Variants in PALM2AKAP2 observed in about 807,000 individuals in gnomAD.
The protein encoded by PALM2AKAP2 is PALM2 and AKAP2 fusion, also known as PALM2-AKAP2 fusion protein.
PALM2AKAP2 carries 37 observed loss-of-function variants against 71.5 expected under a neutral mutation model. The ratio of observed to expected loss-of-function variants is 0.52; its 90% CI spans 0.40 to 0.68. The LOEUF (loss-of-function observed/expected upper bound fraction) is 0.68, where lower values mean the gene tolerates loss of function less well. Ranked by LOEUF, PALM2AKAP2 falls within the 30% of genes least tolerant of loss-of-function variation. The probability of loss-of-function intolerance (pLI) is 0.00; values close to 1 mark genes in which losing one functional copy is unlikely to be tolerated. For missense variants in PALM2AKAP2, 1,224 were observed against 1,191.8 expected, an observed-to-expected ratio of 1.03 and a Z score of -0.40; for synonymous variants, 468 against 478.8, an observed-to-expected ratio of 0.98 and a Z score of 0.29.
chr9:109,765,474 G>C (rs7040367), intron 1 of PALM2AKAP2: 12 of 95,082 alleles, frequency 1.3e-4, no homozygotes, highest in South Asian at 8.5e-4. Flanking sequence ...TCATGATCAT[G>C]ATCATCATCA....
At chr9:109,748,043 A>G (rs902288909) in intron 1 of PALM2AKAP2, among the ~76,000 whole-genome samples, 8 of 152,206 alleles carry the variant, frequency 5.3e-5, no homozygotes, top group African/African-American at 1.9e-4. Context: ...TTTCAACACA[A>G]TATTTACCAG....
chr9:109,776,876 G>A (rs1829356020), upstream of PALM2AKAP2, among the ~76,000 whole-genome samples: 2 of 152,144 alleles, frequency 1.3e-5, no homozygotes, highest in African/African-American at 4.8e-5. Context: ...GTGGGTCTCA[G>A]GGCAGTTAAA....
intron 7 of PALM2AKAP2, among the ~76,000 whole-genome samples, chr9:110,022,823 G>A (rs1291453197): frequency 6.6e-6 from 1 of 151,822 alleles, no homozygotes; most frequent in Non-Finnish European, 1.5e-5. Flanking sequence ...GTGAGAACAT[G>A]TGGTGTTTGG....
At chr9:110,013,806 C>A (rs1390927690) in intron 6 of PALM2AKAP2, among the ~76,000 whole-genome samples, 1 of 152,168 alleles carries the variant, frequency 6.6e-6, no homozygotes, top group African/African-American at 2.4e-5. Context: ...CTTAAAGCAT[C>A]ATGTAATTTC....
At chr9:109,810,180 A>G (rs1266457031) in intron 1 of PALM2AKAP2, among the ~76,000 whole-genome samples, 1 of 152,174 alleles carries the variant, frequency 6.6e-6, no homozygotes, top group African/African-American at 2.4e-5. Context: ...TAGAATTCAA[A>G]AGAGACGTCT....
intron 6 of PALM2AKAP2, among the ~76,000 whole-genome samples, chr9:109,988,368 A>G (rs958931643): frequency 2.6e-5 from 4 of 152,320 alleles, no homozygotes; most frequent in African/African-American, 9.6e-5. Context: ...TTATATAGTC[A>G]TTGTGCCAGA....
At chr9:110,111,086 CTTTTTTTTTT>C (rs34958946) in intron 1 of PALM2AKAP2, among the ~76,000 whole-genome samples, 162 of 84,192 alleles carry the variant, frequency 1.9e-3, no homozygotes, top group Non-Finnish European at 2.9e-3. Flanking sequence ...TTTCTTTCTT[CTTTTTTTTTT>C]TTTTTTTTTT....
At chr9:110,039,540 C>T (rs962146824) in intron 7 of PALM2AKAP2, among the ~76,000 whole-genome samples, 2 of 152,104 alleles carry the variant, frequency 1.3e-5, no homozygotes, top group African/African-American at 4.8e-5. Context: ...TTCTGGCTCT[C>T]TGTTTTTTAC....
At chr9:109,900,988 T>C (rs1238509500) in intron 3 of PALM2AKAP2, among the ~76,000 whole-genome samples, 1 of 152,196 alleles carries the variant, frequency 6.6e-6, no homozygotes, top group Admixed American at 6.5e-5. Context: ...TTCAAGCTCA[T>C]AGGAAATGAA....
intron 1 of PALM2AKAP2, among the ~76,000 whole-genome samples, chr9:110,071,453 C>T (rs1834206493): frequency 6.6e-6 from 1 of 152,168 alleles, no homozygotes; most frequent in Non-Finnish European, 1.5e-5. Context: ...GAAAGCCTGC[C>T]ACTTACTGAG....
intron 6 of PALM2AKAP2, among the ~76,000 whole-genome samples, chr9:110,004,921 G>T (rs1489493481): frequency 6.6e-6 from 1 of 152,112 alleles, no homozygotes; most frequent in East Asian, 1.9e-4. Context: ...ATTCTAGTTA[G>T]CCATTCATCT....
chr9:109,871,719 C>T (rs1368514626), intron 2 of PALM2AKAP2, among the ~76,000 whole-genome samples: 1 of 152,140 alleles, frequency 6.6e-6, no homozygotes, highest in Non-Finnish European at 1.5e-5. Context: ...ATTGGAATAA[C>T]ATTAACCTTT....
At chr9:110,136,208 G>A in exon 2 of PALM2AKAP2, 1 of 1,614,060 alleles carries the variant, frequency 6.2e-7, no homozygotes, top group Non-Finnish European at 8.5e-7. Context: ...GGAGCCTGCT[G>A]CCAGCTCTCT....
intron 6 of PALM2AKAP2, among the ~76,000 whole-genome samples, chr9:109,988,497 TAAAAGAAAG>T (rs1318960800): frequency 9.4e-6 from 1 of 106,150 alleles, no homozygotes; most frequent in Non-Finnish European, 1.9e-5. Context: ...TAGGGGAAAA[TAAAAGAAAG>T]AAAAGGAAGG....
At chr9:110,144,525 G>A (rs915240725) in intron 2 of PALM2AKAP2, among the ~76,000 whole-genome samples, 11 of 152,286 alleles carry the variant, frequency 7.2e-5, no homozygotes, top group African/African-American at 2.4e-4. Context: ...CTCAACTCTT[G>A]AGGCCGGATA....
exon 2 of PALM2AKAP2, chr9:110,137,169 A>G (rs1177011428): frequency 3.1e-6 from 5 of 1,613,732 alleles, no homozygotes; most frequent in East Asian, 4.5e-5. Context: ...ATGATTGACA[A>G]AGCAAAGGAG....
chr9:109,878,618 G>A (rs958194565), intron 2 of PALM2AKAP2, among the ~76,000 whole-genome samples: 33 of 152,190 alleles, frequency 2.2e-4, no homozygotes, highest in Non-Finnish European at 8.8e-5. Context: ...GGAATTCCAG[G>A]TTGATTGAAC....
intron 1 of PALM2AKAP2, among the ~76,000 whole-genome samples, chr9:110,084,230 A>C (rs1307926579): frequency 6.6e-6 from 1 of 152,224 alleles, no homozygotes; most frequent in African/African-American, 2.4e-5. Context: ...ATGTTCAGGA[A>C]AGGAAAACTG....
At chr9:110,015,461 G>A (rs1440072428) in intron 6 of PALM2AKAP2, among the ~76,000 whole-genome samples, 1 of 152,112 alleles carries the variant, frequency 6.6e-6, no homozygotes, top group East Asian at 1.9e-4. Flanking sequence ...TTAGTCAGGT[G>A]TGGTGGCGGG....
Sources: allele counts gnomAD v4.1 joint callset (sites outside exome capture counted in the v4.1 genomes callset), GRCh38; gene constraint gnomAD v4.1.1; transcripts MANE v1.5; gene names NCBI Gene and HGNC (gene_info 2026-07-23, HGNC 2026-07-21).